Variants in FUOM observed in about 807,000 individuals in gnomAD.
FUOM encodes the protein protein fucU homolog.
In FUOM, 19 loss-of-function variants were observed where a neutral mutation model predicts 18.3. The observed-to-expected ratio is 1.04, with a 90% confidence interval of 0.73 to 1.53. The LOEUF (loss-of-function observed/expected upper bound fraction) is 1.53, where lower values mean the gene tolerates loss of function less well. Among genes scored for constraint, FUOM ranks in the 40% most tolerant of loss-of-function variants. The pLI is 0.00. For missense variants in FUOM, 210 were observed against 200.9 expected (o/e 1.04, Z -0.27); for synonymous variants, 102 against 87.9 (o/e 1.16, Z -0.90).
Position 133,356,946 on chromosome 10 carries a change from A to C in FUOM, c.222T>G (p.Ser74Arg), listed in dbSNP as rs1848822307. 1 of 1,550,082 alleles carries C rather than the reference A, an allele frequency of 6.5e-7. No individual in the cohort carries two copies. The highest frequency in any genetic ancestry group is 8.7e-7 in the Non-Finnish European group (1 of 1,146,854). The change falls in exon 3 of 6, where the codon AGT (serine) becomes AGG (arginine). Residue 74 changes from serine to arginine, a missense_variant. Coordinates refer to ENST00000278025, the MANE Select transcript of FUOM (RefSeq NM_001098483.3). ...KLLPLDTYVE[S>R]PAAVMELVPS... ...GCAGGGGCGACTCAGCCCTCACCGGACTCTCCACATAGGTGTCCAGGGGCA... is the reference window on the plus strand; with the variant it reads ...GCAGGGGCGACTCAGCCCTCACCGGCCTCTCCACATAGGTGTCCAGGGGCA...
chr10:133,356,504 G>A (rs1033384791), intron 4 of FUOM, 136 bp downstream of exon 4: 3 of 563,562 alleles, frequency 5.3e-6, no homozygotes, highest in Non-Finnish European at 9.0e-6. Context: ...AGTGCCAGTG[G>A]TCCGGGGTTC....
intron 1 of FUOM, 39 bp downstream of exon 1, chr10:133,357,884 C>G: frequency 6.7e-7 from 1 of 1,490,500 alleles, no homozygotes; most frequent in East Asian, 2.7e-5. Context: ...TCCTGCCTGT[C>G]CCGGGGTGCT....
downstream of FUOM, among the ~76,000 whole-genome samples, chr10:133,353,794 T>C (rs1009620446): frequency 1.3e-5 from 2 of 152,014 alleles, no homozygotes; most frequent in Non-Finnish European, 2.9e-5. Flanking sequence ...CAGCCTCCCC[T>C]GTCATCCTGA....
Position 133,355,355 on chromosome 10 carries a change from T to A in FUOM, c.*15A>T. On this transcript the variant is annotated 3_prime_UTR_variant, in exon 6 of 6. Coordinates refer to ENST00000278025, the MANE Select transcript of FUOM (RefSeq NM_001098483.3). ...CCCCCAGTTCCTCTTCCGGCCCAGG[T>A]GGTCTTCACCAGGCCTACAGCAGGG... is the stretch of plus-strand genomic sequence containing the variant. 6.3e-7 allele frequency: 1 copy of A among 1,594,326 alleles called. No individual in the cohort carries two copies. Among genetic ancestry groups the A allele is most frequent in the Non-Finnish European group, 8.5e-7 (1 of 1,174,504 alleles).
intron 1 of FUOM, 29 bp from the exon 2 acceptor site, chr10:133,357,284 G>A (rs41317286): frequency 0.035 from 54,464 of 1,555,926 alleles, 2,683 homozygotes; most frequent in African/African-American, 0.23. Context: ...AGCCCGTGTC[G>A]GCACCTATCC....
rs961218637 is a variant in FUOM at position 133,356,973 on chromosome 10, C to G, written c.195G>C (p.Leu65=). Residue 65 remains leucine, a synonymous_variant, in exon 3 of 6, where the codon CTG becomes CTC. Coordinates refer to ENST00000278025, the MANE Select transcript of FUOM (RefSeq NM_001098483.3). ...TCTCCACATAGGTGTCCAGGGGCAGCAGCTTCAGCACGGCCTCCAGGAGCT... is the reference window on the plus strand; with the variant it reads ...TCTCCACATAGGTGTCCAGGGGCAGGAGCTTCAGCACGGCCTCCAGGAGCT... The part of the protein sequence containing the change: ...IPQLLEAVLK[L]LPLDTYVESP... 9.7e-6 allele frequency: 15 copies of G among 1,550,198 alleles called. No homozygotes were observed. In the African/African-American group the frequency reaches 2.1e-4, roughly 21 times the overall value.
chr10:133,357,566 G>A, intron 1 of FUOM: 1 of 491,718 alleles, frequency 2.0e-6, no homozygotes, highest in Non-Finnish European at 3.6e-6. Flanking sequence ...GCCAGAGGAC[G>A]CGCGGCTGCC....
chr10:133,357,734 C>G, intron 1 of FUOM, 189 bp downstream of exon 1: 1 of 543,522 alleles, frequency 1.8e-6, no homozygotes, highest in South Asian at 2.3e-5. Context: ...CCGGCTCCGC[C>G]CAGAGCCCCA....
intron 4 of FUOM, among the ~76,000 whole-genome samples, chr10:133,356,226 G>T (rs1848790804): frequency 6.6e-6 from 1 of 152,214 alleles, no homozygotes; most frequent in Non-Finnish European, 1.5e-5. Flanking sequence ...AGAGGGCTGA[G>T]TGAGACACAG....
At chr10:133,357,553 G>T in intron 1 of FUOM, 2 of 501,582 alleles carry the variant, frequency 4.0e-6, no homozygotes, top group East Asian at 3.7e-5. Flanking sequence ...CGCCTCCCCA[G>T]GGGCCAGAGG....
In FUOM at chr10:133,356,969, G is replaced by A; in HGVS notation, c.199C>T (p.Pro67Ser). The A allele has an allele frequency of 1.3e-6, 2 of 1,550,324 alleles. No homozygotes were observed. The highest frequency in any genetic ancestry group is 1.7e-6 in the Non-Finnish European group (2 of 1,146,960). ...QLLEAVLKLL[P>S]LDTYVESPAA... is the part of the protein sequence containing the mutation. ...GGACTCTCCACATAGGTGTCCAGGG[G>A]CAGCAGCTTCAGCACGGCCTCCAGG... The change falls in exon 3 of 6, where the codon CCC becomes TCC. Residue 67 changes from proline (P) to serine (S), a missense_variant. Coordinates refer to ENST00000278025, the MANE Select transcript of FUOM (RefSeq NM_001098483.3).
At chr10:133,355,950 C>A in intron 4 of FUOM, 139 bp from the exon 5 acceptor site, 1 of 745,178 alleles carries the variant, frequency 1.3e-6, no homozygotes, top group Non-Finnish European at 2.3e-6. Context: ...CGGCAAGGGC[C>A]CCACGGTCAC....
chr10:133,355,431 G>A lies in FUOM; in HGVS notation c.404C>T (p.Thr135Met), dbSNP rs184108406. 2.7e-3 allele frequency: 4,282 copies of A among 1,609,926 alleles called. 11 individuals are homozygous for A. Among genetic ancestry groups the A allele is most frequent in the Non-Finnish European group, 3.2e-3 (3,748 of 1,179,004 alleles). ...GAGGATGAGGTTTCCGTAGAGGGCC[G>A]TCTCCCTGCAGAGGAGCCAAGCCCA... ...KAFAVVATGE[T>M]ALYGNLILRK... The change falls in exon 6 of 6, where the codon ACG becomes ATG. Residue 135 changes from threonine to methionine, a missense_variant. Thr to Met is a moderately conservative substitution (Grantham distance 81). Transcript: ENST00000278025.
intron 1 of FUOM, chr10:133,357,678 G>A: frequency 3.9e-6 from 2 of 515,820 alleles, no homozygotes; most frequent in Non-Finnish European, 6.8e-6. Flanking sequence ...GCCCAGACGC[G>A]AGGGCTCTCG....
downstream of FUOM, among the ~76,000 whole-genome samples, chr10:133,353,380 C>G (rs542462592): frequency 4.3e-4 from 65 of 152,304 alleles, no homozygotes; most frequent in Middle Eastern, 3.4e-3. Context: ...TGGGCACATG[C>G]AAATGTGGGC....
chr10:133,354,560 T>C (rs991809304), downstream of FUOM, among the ~76,000 whole-genome samples: 5 of 152,094 alleles, frequency 3.3e-5, no homozygotes, highest in African/African-American at 1.2e-4. Context: ...TACCTGTCAC[T>C]GCAGCAAGTT....
chr10:133,352,932 C>T (rs1391818034), downstream of FUOM, among the ~76,000 whole-genome samples: 2 of 152,222 alleles, frequency 1.3e-5, no homozygotes, highest in African/African-American at 4.8e-5. Context: ...GAATCAAGGG[C>T]TGCACAAGGC....
rs1848810590 is a variant in FUOM at position 133,356,680 on chromosome 10, C to T, written c.284G>A (p.Trp95Ter). The T allele has an allele frequency of 1.2e-6, 2 of 1,600,820 alleles. No individual in the cohort carries two copies. The highest frequency in any genetic ancestry group is 1.1e-5 in the South Asian group (1 of 89,586). ...DKERGLQTPVWTEYESILRRA... is the reference protein window; with the variant it reads ...DKERGLQTPV ...GCGTAGGATGGACTCGTACTCCGTC[C>T]ACACTGGGGTCTGCAGGCCCCTCTC... Residue 95 changes from tryptophan (W) to a stop codon, truncating the protein, a stop_gained, in exon 4 of 6, where the codon TGG (tryptophan) becomes TAG (stop). Coordinates refer to ENST00000278025, the MANE Select transcript of FUOM (RefSeq NM_001098483.3). LOFTEE classifies it high-confidence loss of function.
Position 133,355,284 on chromosome 10 carries a change from G to T in FUOM, c.*86C>A. 1 of 1,455,200 alleles carries T rather than the reference G, an allele frequency of 6.9e-7. No individual in the cohort carries two copies. Among genetic ancestry groups the T allele is most frequent in the Non-Finnish European group, 9.2e-7 (1 of 1,087,770 alleles). The allele number at this position is 1,455,200 out of a possible 1,614,324, so 90.1% of individuals were successfully genotyped here. ...TGGCCAGGGCCCAGGTCTGGGAGCT[G>T]CCACTGGGAGGCCTGTTGTGAGTGG... On this transcript the variant is annotated 3_prime_UTR_variant, in exon 6 of 6. Coordinates refer to ENST00000278025, the MANE Select transcript of FUOM (RefSeq NM_001098483.3).
Sources: gnomAD v4.1 joint callset for allele counts (sites outside exome capture counted in the v4.1 genomes callset) on GRCh38, gnomAD v4.1.1 for gene constraint, MANE v1.5 for transcripts, NCBI Gene and HGNC (gene_info 2026-07-23, HGNC 2026-07-21) for gene names.